Variants in SNTG2 observed in about 807,000 individuals in gnomAD.
The protein encoded by SNTG2 is gamma-2-syntrophin.
SNTG2 carries 74 observed loss-of-function variants against 70.9 expected under a neutral mutation model. The ratio of observed to expected loss-of-function variants is 1.04; its 90% confidence interval spans 0.86 to 1.27. SNTG2 has a LOEUF of 1.27. Ranked by LOEUF, SNTG2 falls within the 50% of genes most tolerant of loss-of-function variation. The probability of loss-of-function intolerance (pLI) is 0.00; values close to 1 mark genes in which losing one functional copy is unlikely to be tolerated. For missense variants in SNTG2, 717 were observed against 690.7 expected (o/e 1.04, Z -0.43); for synonymous variants, 278 against 273.8 (o/e 1.02, Z -0.15).
rs60254441 is a variant in SNTG2 at position 1,153,124 on chromosome 2, C to CA, written c.412-12410dup. Among the ~76,000 whole-genome samples the CA allele has an allele frequency of 4.5e-3, 600 of 134,178 alleles. 3 individuals carry two copies. The highest frequency in any genetic ancestry group is 4.8e-3 in the Non-Finnish European group (291 of 60,090). The allele number at this position is 134,178 out of a possible 152,430, so 88.0% of individuals were successfully genotyped here. A position where few individuals can be genotyped will look rare whatever the true frequency, so the allele number is the denominator to read the frequency against. On this transcript the variant is annotated intron_variant, in intron 6 of 16. Transcript: ENST00000308624. ...GGGCAACAACAGCTGAACTCCATCT[C>CA]AAAAAAAAAAAAAATGCCTTCACAA...
At chr2:1,101,118 C>T (rs1240709577) in intron 4 of SNTG2, among the ~76,000 whole-genome samples, 1 of 152,206 alleles carries the variant, frequency 6.6e-6, no homozygotes, top group Non-Finnish European at 1.5e-5. Flanking sequence ...AGTGTGGTAG[C>T]CCCAGTGGGA....
At chr2:1,320,431 C>G (rs1681466205) in intron 16 of SNTG2, among the ~76,000 whole-genome samples, 1 of 150,016 alleles carries the variant, frequency 6.7e-6, no homozygotes, top group African/African-American at 2.5e-5. Flanking sequence ...ACTCAGGAGG[C>G]TGAGGCAGGA....
At chr2:1,359,668 A>C (rs1422107447) in intron 16 of SNTG2, among the ~76,000 whole-genome samples, 1 of 152,190 alleles carries the variant, frequency 6.6e-6, no homozygotes, top group Admixed American at 6.5e-5. Context: ...AGACTCAAAA[A>C]TAATATTATT....
At chr2:1,320,598 A>G (rs1374637600) in intron 16 of SNTG2, among the ~76,000 whole-genome samples, 1 of 151,926 alleles carries the variant, frequency 6.6e-6, no homozygotes, top group Non-Finnish European at 1.5e-5. Flanking sequence ...AGAATTCAAG[A>G]CTGTAGGATG....
Position 1,209,202 on chromosome 2 carries a change from A to G in SNTG2, c.691A>G (p.Arg231Gly), listed in dbSNP as rs1041459434. The G allele has an allele frequency of 8.7e-6, 14 of 1,613,872 alleles. No individual in the cohort carries two copies. Among genetic ancestry groups the G allele is most frequent in the Non-Finnish European group, 1.2e-5 (14 of 1,179,892 alleles). The part of the protein sequence containing the change: ...SVPLSMARIS[R>G]YKAGTEKLRW... The stretch of plus-strand genomic sequence containing the variant: ...GCCTCTGTCCATGGCTCGCATCTCA[A>G]GGTACAAAGCCGGAACGGAAAAATT... Residue 231 changes from arginine to glycine, a missense_variant, in exon 9 of 17, where the codon AGG becomes GGG. Coordinates refer to ENST00000308624, the MANE Select transcript of SNTG2 (RefSeq NM_018968.4).
intron 16 of SNTG2, among the ~76,000 whole-genome samples, chr2:1,352,928 C>T (rs938040567): frequency 6.6e-6 from 1 of 152,080 alleles, no homozygotes; most frequent in African/African-American, 2.4e-5. Flanking sequence ...GTACCGGAAA[C>T]CTTACCATTC....
At chr2:1,006,750 G>A (rs1659584435) in intron 1 of SNTG2, among the ~76,000 whole-genome samples, 1 of 152,172 alleles carries the variant, frequency 6.6e-6, no homozygotes, top group East Asian at 1.9e-4. Context: ...GGAGGGCCAG[G>A]CGCGGTGGCT....
At chr2:1,327,778 T>G (rs1290637983) in intron 16 of SNTG2, among the ~76,000 whole-genome samples, 1 of 152,240 alleles carries the variant, frequency 6.6e-6, no homozygotes, top group African/African-American at 2.4e-5. Context: ...ACCAAAATTC[T>G]TACTCAAATT....
At chr2:1,159,324 T>C (rs1248475866) in intron 6 of SNTG2, 1 of 152,098 alleles carries the variant, frequency 6.6e-6, no homozygotes, top group Non-Finnish European at 1.5e-5. Context: ...GGGTCTTTAT[T>C]CAACATAAAC....
At chr2:953,203 T>G (rs575225723) in intron 1 of SNTG2, among the ~76,000 whole-genome samples, 1 of 152,352 alleles carries the variant, frequency 6.6e-6, no homozygotes, top group South Asian at 2.1e-4. Flanking sequence ...AGTGAGTTCA[T>G]GGAGCTCTGT....
At chr2:1,348,064 A>G (rs1056997136) in intron 16 of SNTG2, among the ~76,000 whole-genome samples, 1 of 151,994 alleles carries the variant, frequency 6.6e-6, no homozygotes, top group African/African-American at 2.4e-5. Flanking sequence ...GCAACTCTCA[A>G]GCTTGGCTCA....
Position 961,408 on chromosome 2 carries a change from C to T in SNTG2, c.72+10340C>T, listed in dbSNP as rs1055094820. Among the ~76,000 whole-genome samples, 9 of 152,050 alleles carry T rather than the reference C, an allele frequency of 5.9e-5. No individual in the cohort carries two copies. The East Asian group carries it at 7.7e-4, about 13-fold the overall frequency. On this transcript the variant is annotated intron_variant, in intron 1 of 16. Coordinates refer to ENST00000308624, the MANE Select transcript of SNTG2 (RefSeq NM_018968.4). ...GATTACAGGAGTGAGCCACTGTGCC[C>T]GTGGAGATGAACCATGTCTGTGAAC...
intron 1 of SNTG2, among the ~76,000 whole-genome samples, chr2:1,048,319 C>T (rs1331658932): frequency 2.9e-4 from 44 of 152,098 alleles, no homozygotes; most frequent in Admixed American, 2.8e-3. Flanking sequence ...GCTGACATCC[C>T]GACATCCAGC....
chr2:1,357,417 G>A (rs1660910667), intron 16 of SNTG2, among the ~76,000 whole-genome samples: 1 of 152,040 alleles, frequency 6.6e-6, no homozygotes, highest in Non-Finnish European at 1.5e-5. Flanking sequence ...GTACCCCTAT[G>A]TCCCAGGGAT....
chr2:1,221,485 C>CTG, intron 9 of SNTG2, among the ~76,000 whole-genome samples: 1 of 77,518 alleles, frequency 1.3e-5, no homozygotes, highest in South Asian at 6.7e-4. Flanking sequence ...CTCTCTCTCT[C>CTG]TCTGTCTCTC....
At chr2:1,157,554 C>A (rs1435825156) in intron 6 of SNTG2, among the ~76,000 whole-genome samples, 2 of 152,188 alleles carry the variant, frequency 1.3e-5, no homozygotes, top group Admixed American at 1.3e-4. Flanking sequence ...TTATGTATAA[C>A]AGAGACTGGG....
chr2:988,218 G>A (rs545168117), intron 1 of SNTG2, among the ~76,000 whole-genome samples: 1 of 152,204 alleles, frequency 6.6e-6, no homozygotes, highest in Non-Finnish European at 1.5e-5. Context: ...GGACACTCAG[G>A]TGGGGAGAGC....
intron 14 of SNTG2, among the ~76,000 whole-genome samples, chr2:1,294,238 A>G (rs1293829918): frequency 2.6e-5 from 4 of 152,020 alleles, no homozygotes; most frequent in African/African-American, 9.7e-5. Context: ...CCCATTGGGG[A>G]CAGACCCCAA....
intron 14 of SNTG2, among the ~76,000 whole-genome samples, chr2:1,274,239 C>G (rs13036189): frequency 0.14 from 21,896 of 152,120 alleles, 1,740 homozygotes; most frequent in East Asian, 0.32. Flanking sequence ...AAGACAAATT[C>G]GCCACAAGAT....
Sources: allele counts gnomAD v4.1 joint callset (sites outside exome capture counted in the v4.1 genomes callset), GRCh38; gene constraint gnomAD v4.1.1; transcripts MANE v1.5; gene names NCBI Gene and HGNC (gene_info 2026-07-23, HGNC 2026-07-21).